ABHD17B: variants seen among roughly 807,000 people sequenced by gnomAD.
The protein encoded by ABHD17B is abhydrolase domain containing 17B, depalmitoylase.
In ABHD17B, 9 loss-of-function variants were observed where a neutral mutation model predicts 26.2. The ratio of observed to expected loss-of-function variants is 0.34; its 90% CI spans 0.21 to 0.60. The LOEUF (loss-of-function observed/expected upper bound fraction) is 0.60, where lower values mean the gene tolerates loss of function less well. Among genes scored for constraint, ABHD17B ranks in the 20% least tolerant of loss-of-function variants. ABHD17B has a pLI of 0.80. For synonymous variants in ABHD17B, 127 were observed against 122.3 expected, an observed-to-expected ratio of 1.04 and a Z score of -0.25; for missense variants, 224 against 352.1, an observed-to-expected ratio of 0.64 and a Z score of 2.91.
chr9:71,878,303 A>T (rs1228971273), intron 1 of ABHD17B, among the ~76,000 whole-genome samples: 11 of 152,300 alleles, frequency 7.2e-5, no homozygotes, highest in East Asian at 5.8e-4. Context: ...CAAATATGGA[A>T]TTTTTTTGTG....
rs548166046 is a variant in ABHD17B at position 71,891,226 on chromosome 9, T to C, written c.-3-16143A>G. 2.5e-4 allele frequency among the ~76,000 whole-genome samples: 38 copies of C among 152,340 alleles called. 1 individual carries two copies. In the South Asian group the frequency reaches 7.9e-3, roughly 32 times the overall value. On this transcript the variant is annotated intron_variant, in intron 1 of 3. Transcript: ENST00000333421. ...TACCAATCTGATTTTTTAAAAGTGA[T>C]TCTCATCTCTCAAAAATATTTATGA...
At chr9:71,902,272 A>AT (rs1468670724) in intron 1 of ABHD17B, among the ~76,000 whole-genome samples, 3 of 152,146 alleles carry the variant, frequency 2.0e-5, no homozygotes, top group African/African-American at 7.2e-5. Flanking sequence ...TTTTGGGTGC[A>AT]TGTGTATGAA....
chr9:71,911,193 T>A lies in ABHD17B; in HGVS notation c.-563A>T, dbSNP rs562124078. On this transcript the variant is annotated 5_prime_UTR_variant, in exon 1 of 4. Transcript: ENST00000333421. ...ACTGAGCCAGGAGTTGGCCACTGAC[T>A]GGAGGAAGGTGCCAAAGCTGACCCC... Among the ~76,000 whole-genome samples, 12 of 152,144 alleles carry A rather than the reference T, an allele frequency of 7.9e-5. No homozygotes were observed. The highest frequency in any genetic ancestry group is 1.6e-4 in the Non-Finnish European group (11 of 67,986).
Position 71,866,540 on chromosome 9 carries a change from A to C in ABHD17B, c.*247T>G. On this transcript the variant is annotated 3_prime_UTR_variant, in exon 4 of 4. Transcript: ENST00000333421. ...AGAATTAAAATCTCATACAGTACTC[A>C]TCTTGATGTTAAAAAAAAATTCACA... The C allele has an allele frequency of 3.1e-6, 4 of 1,306,412 alleles. No individual in the cohort carries two copies. The South Asian group carries it at 7.7e-5, about 25-fold the overall frequency. The allele number at this position is 1,306,412 out of a possible 1,614,324, so 80.9% of individuals were successfully genotyped here. A position where few individuals can be genotyped will look rare whatever the true frequency, so the allele number is the denominator to read the frequency against.
At chr9:71,889,449 G>A (rs1011675346) in intron 1 of ABHD17B, among the ~76,000 whole-genome samples, 1 of 152,128 alleles carries the variant, frequency 6.6e-6, no homozygotes, top group African/African-American at 2.4e-5. Flanking sequence ...ACTCATAAGA[G>A]TAGAGGTTTA....
At position 71,865,402 on chromosome 9, in the gene ABHD17B, G is replaced by A. The variant is rs946766745; in HGVS notation, c.*1385C>T. On this transcript the variant is annotated 3_prime_UTR_variant, in exon 4 of 4. Transcript: ENST00000333421. ...ATTTTTCATTGTTTTATTCAGACAG[G>A]GTTCATTCAAGGAAAGGCAACTTAG... 9.7e-5 allele frequency: 95 copies of A among 984,020 alleles called. No homozygotes were observed. Among genetic ancestry groups the A allele is most frequent in the Non-Finnish European group, 1.1e-4 (92 of 828,852 alleles). The allele number at this position is 984,020 out of a possible 1,614,324, so 61.0% of individuals were successfully genotyped here.
intron 1 of ABHD17B, among the ~76,000 whole-genome samples, chr9:71,898,769 A>G (rs886222886): frequency 2.6e-5 from 4 of 152,048 alleles, no homozygotes; most frequent in African/African-American, 9.7e-5. Context: ...AGGCCGAGGT[A>G]GGTGGATCAC....
In ABHD17B at chr9:71,867,927, C is replaced by G. The variant is rs62561052; in HGVS notation, c.648-921G>C. ...GGACTTTTAGAAAGTCTTCTTTGGG[C>G]CAGGTGCGGTGGCTCATGCCTGTAA... On this transcript the variant is annotated intron_variant, in intron 3 of 3. Transcript: ENST00000333421. 5.4e-3 allele frequency among the ~76,000 whole-genome samples: 828 copies of G among 152,120 alleles called. 8 individuals are homozygous for G. The highest frequency in any genetic ancestry group is 0.014 in the Middle Eastern group (4 of 294).
chr9:71,868,052 C>CA (rs531749783), intron 3 of ABHD17B, among the ~76,000 whole-genome samples: 106,232 of 131,560 alleles, frequency 0.81, 43,293 homozygotes, highest in East Asian at 0.92. Flanking sequence ...ACTAAAAATA[C>CA]AAAAAAAAAA....
rs1375707458 is a variant in ABHD17B at position 71,865,877 on chromosome 9, A to C, written c.*910T>G. Reference sequence around the variant, plus strand: ...CTCCATCTCAAAAAATGAAAAAAATAGCCAAAGTGAAAAGGGATCTGATAG... The same window carrying C: ...CTCCATCTCAAAAAATGAAAAAAATCGCCAAAGTGAAAAGGGATCTGATAG... On this transcript the variant is annotated 3_prime_UTR_variant, in exon 4 of 4. Coordinates refer to ENST00000333421, the MANE Select transcript of ABHD17B (RefSeq NM_001025780.3). 1.0e-6 allele frequency: 1 copy of C among 985,088 alleles called. No individual in the cohort carries two copies. Among genetic ancestry groups the C allele is most frequent in the African/African-American group, 1.7e-5 (1 of 57,224 alleles). The allele number at this position is 985,088 out of a possible 1,614,324, so 61.0% of individuals were successfully genotyped here. A position where few individuals can be genotyped will look rare whatever the true frequency, so the allele number is the denominator to read the frequency against.
At chr9:71,908,350 C>T (rs542013837) in intron 1 of ABHD17B, among the ~76,000 whole-genome samples, 1 of 150,232 alleles carries the variant, frequency 6.7e-6, no homozygotes, top group African/African-American at 2.5e-5. Flanking sequence ...CGAGATCGCG[C>T]CATTGCACGC....
chr9:71,868,013 C>T lies in ABHD17B; in HGVS notation c.648-1007G>A, dbSNP rs138128295. Among the ~76,000 whole-genome samples, 533 of 148,758 alleles carry T rather than the reference C, an allele frequency of 3.6e-3. 2 individuals carry two copies. Among genetic ancestry groups the T allele is most frequent in the African/African-American group, 0.012 (496 of 40,154 alleles). On this transcript the variant is annotated intron_variant, in intron 3 of 3. Coordinates refer to ENST00000333421, the MANE Select transcript of ABHD17B (RefSeq NM_001025780.3). The stretch of plus-strand genomic sequence containing the variant: ...CCTGAGGTCAGGAGTTCGAGACCAG[C>T]CTGATCAACATGGTGAAACCCCGTC...
At position 71,865,504 on chromosome 9, in the gene ABHD17B, C is replaced by T; in HGVS notation, c.*1283G>A. 3.0e-6 allele frequency: 3 copies of T among 984,234 alleles called. No homozygotes were observed. The highest frequency in any genetic ancestry group is 9.4e-5 in the South Asian group (2 of 21,264). 61.0% of individuals were successfully genotyped at this position (984,234 alleles called of 1,614,324 possible). A position where few individuals can be genotyped will look rare whatever the true frequency, so the allele number is the denominator to read the frequency against. On this transcript the variant is annotated 3_prime_UTR_variant, in exon 4 of 4. Coordinates refer to ENST00000333421, the MANE Select transcript of ABHD17B (RefSeq NM_001025780.3). ...TATGAATTAAACGTATTCTTATCTC[C>T]TATACCCAGGAGTGAATCCATGAAA... is the stretch of plus-strand genomic sequence containing the variant.
intron 1 of ABHD17B, among the ~76,000 whole-genome samples, chr9:71,879,001 C>G (rs765402293): frequency 6.6e-6 from 1 of 152,044 alleles, no homozygotes; most frequent in Non-Finnish European, 1.5e-5. Context: ...ATAAAAAATA[C>G]AAAAATTAGC....
chr9:71,900,758 C>T (rs893446989), intron 1 of ABHD17B, among the ~76,000 whole-genome samples: 3 of 152,148 alleles, frequency 2.0e-5, no homozygotes, highest in South Asian at 2.1e-4. Flanking sequence ...ACTATCCCCC[C>T]CTCATCACTA....
chr9:71,874,470 A>G (rs1287870360), intron 2 of ABHD17B, 144 bp downstream of exon 2: 5 of 590,994 alleles, frequency 8.5e-6, no homozygotes, highest in African/African-American at 1.9e-5. Context: ...GCTGTCTAAA[A>G]TATTTATTCA....
chr9:71,882,613 G>A (rs1389658490), intron 1 of ABHD17B, among the ~76,000 whole-genome samples: 2 of 150,846 alleles, frequency 1.3e-5, no homozygotes, highest in East Asian at 2.0e-4. Flanking sequence ...AGCTGAGATC[G>A]CGCCACTGCA....
chr9:71,907,367 T>C lies in ABHD17B; in HGVS notation c.-4+3267A>G, dbSNP rs187560019. 2.0e-3 allele frequency among the ~76,000 whole-genome samples: 311 copies of C among 152,230 alleles called. 1 individual carries two copies. Among genetic ancestry groups the C allele is most frequent in the Admixed American group, 3.6e-3 (55 of 15,296 alleles). The stretch of plus-strand genomic sequence containing the variant: ...TCAAAATAAAACTATATATATATAA[T>C]GTTCATAGGATAAAGGTATGTAGTT... On this transcript the variant is annotated intron_variant, in intron 1 of 3. Transcript: ENST00000333421.
chr9:71,869,418 T>C (rs1256352232), intron 3 of ABHD17B, among the ~76,000 whole-genome samples: 1 of 152,156 alleles, frequency 6.6e-6, no homozygotes, highest in East Asian at 1.9e-4. Context: ...AACTTATTTC[T>C]TGTCTTCTCC....
Sources: gnomAD v4.1 joint callset for allele counts (sites outside exome capture counted in the v4.1 genomes callset) on GRCh38, gnomAD v4.1.1 for gene constraint, MANE v1.5 for transcripts, NCBI Gene and HGNC (gene_info 2026-07-23, HGNC 2026-07-21) for gene names.